Variants in FOXP1 observed in about 807,000 individuals in gnomAD.
FOXP1 encodes the protein forkhead box protein P1.
A neutral mutation model predicts 98.2 loss-of-function variants in FOXP1; 15 were observed. The ratio of observed to expected loss-of-function variants is 0.15; its 90% CI spans 0.10 to 0.24. FOXP1 has a LOEUF of 0.24. Among genes scored for constraint, FOXP1 ranks in the 10% least tolerant of loss-of-function variants. The pLI is 1.00. For synonymous variants in FOXP1, 371 were observed against 314.5 expected, an observed-to-expected ratio of 1.18 and a Z score of -1.90; for missense variants, 633 against 848.5, an observed-to-expected ratio of 0.75 and a Z score of 3.15.
At position 71,144,688 on chromosome 3, in the gene FOXP1, C is replaced by T. The variant is rs537803800; in HGVS notation, c.181-32051G>A. On this transcript the variant is annotated intron_variant, in intron 6 of 20. Coordinates refer to ENST00000649528, the MANE Select transcript of FOXP1 (RefSeq NM_001349338.3). Reference sequence around the variant, plus strand: ...GCTGGGCTGTGTAGAGCATGTGCAGCAGTTTGGACTGACACATTGATTTTT... The same window carrying T: ...GCTGGGCTGTGTAGAGCATGTGCAGTAGTTTGGACTGACACATTGATTTTT... Among the ~76,000 whole-genome samples the T allele has an allele frequency of 2.0e-5, 3 of 152,254 alleles. No homozygotes were observed. The East Asian group carries it at 5.8e-4, about 29-fold the overall frequency.
rs571940924 is a variant in FOXP1, at chr3:70,973,139, A to G, written c.1531-463T>C. Among the ~76,000 whole-genome samples the G allele has an allele frequency of 1.8e-4, 28 of 152,288 alleles. No homozygotes were observed. The South Asian group carries it at 2.3e-3, about 12-fold the overall frequency. On this transcript the variant is annotated intron_variant, in intron 17 of 20. Transcript: ENST00000649528. ...GTTCTTGATGGCTTCTGGCTTTTAA[A>G]ACTTCCAGAGGTCCTATGAAGAATT...
chr3:71,211,584 T>A (rs551840023), intron 5 of FOXP1, among the ~76,000 whole-genome samples: 12 of 152,332 alleles, frequency 7.9e-5, no homozygotes, highest in African/African-American at 2.6e-4. Flanking sequence ...GTTTTATTTT[T>A]AAAAAAGTAC....
intron 2 of FOXP1, among the ~76,000 whole-genome samples, chr3:71,552,171 A>C (rs1225960498): frequency 6.6e-6 from 1 of 152,160 alleles, no homozygotes; most frequent in Non-Finnish European, 1.5e-5. Flanking sequence ...TGTAAGGCAG[A>C]ACCAATGCAA....
At chr3:70,990,403 G>C (rs1399415180) in intron 13 of FOXP1, among the ~76,000 whole-genome samples, 2 of 152,044 alleles carry the variant, frequency 1.3e-5, no homozygotes, top group Non-Finnish European at 2.9e-5. Context: ...AATACTAACT[G>C]CTCCTTCCAA....
At chr3:71,234,159 TAA>T (rs11362569) in intron 5 of FOXP1, among the ~76,000 whole-genome samples, 13,343 of 148,956 alleles carry the variant, frequency 0.09, 733 homozygotes, top group African/African-American at 0.15. Context: ...ATATTATAAG[TAA>T]AAAAAAAAAA....
At chr3:71,473,485 T>C (rs2089539651) in intron 3 of FOXP1, among the ~76,000 whole-genome samples, 1 of 152,140 alleles carries the variant, frequency 6.6e-6, no homozygotes. Flanking sequence ...TGTCAAAATA[T>C]TGTCCCAAAA....
chr3:71,011,008 G>C (rs943250854), intron 12 of FOXP1, among the ~76,000 whole-genome samples: 2 of 152,064 alleles, frequency 1.3e-5, no homozygotes, highest in Non-Finnish European at 2.9e-5. Flanking sequence ...TCTACAAGAA[G>C]ACTAACTTAT....
chr3:71,093,752 G>C (rs1333141526), intron 7 of FOXP1, among the ~76,000 whole-genome samples: 2 of 151,658 alleles, frequency 1.3e-5, no homozygotes, highest in Non-Finnish European at 2.9e-5. Flanking sequence ...ACTTCCCAGA[G>C]GCCTTGCTCT....
intron 3 of FOXP1, among the ~76,000 whole-genome samples, chr3:71,436,020 AAG>A: frequency 6.6e-6 from 1 of 151,186 alleles, no homozygotes; most frequent in East Asian, 2.0e-4. Context: ...GAAAGGAAGA[AAG>A]GGGGGAGAAT....
At chr3:71,381,068 C>T (rs1200610437) in intron 3 of FOXP1, among the ~76,000 whole-genome samples, 1 of 152,038 alleles carries the variant, frequency 6.6e-6, no homozygotes, top group Non-Finnish European at 1.5e-5. Flanking sequence ...AACATTTGAC[C>T]TGGTCGTCCC....
chr3:71,121,132 G>A (rs758912146), intron 6 of FOXP1, among the ~76,000 whole-genome samples: 64 of 150,494 alleles, frequency 4.3e-4, no homozygotes, highest in Non-Finnish European at 7.8e-4. Flanking sequence ...CTGCATTAGC[G>A]TTGTGAGCTC....
chr3:71,350,250 A>T (rs2077691299), intron 4 of FOXP1, among the ~76,000 whole-genome samples: 1 of 152,152 alleles, frequency 6.6e-6, no homozygotes, highest in Non-Finnish European at 1.5e-5. Context: ...TCTGAATGTT[A>T]ATATAGGGTT....
At chr3:71,090,822 A>G (rs1303147324) in intron 7 of FOXP1, among the ~76,000 whole-genome samples, 1 of 152,194 alleles carries the variant, frequency 6.6e-6, no homozygotes, top group Non-Finnish European at 1.5e-5. Flanking sequence ...CATATATCAA[A>G]GATTCAGAGA....
At chr3:71,454,172 A>G (rs897680684) in intron 3 of FOXP1, among the ~76,000 whole-genome samples, 1 of 152,204 alleles carries the variant, frequency 6.6e-6, no homozygotes, top group Non-Finnish European at 1.5e-5. Flanking sequence ...GTTGCATAAC[A>G]GCAGCAATAG....
At chr3:71,059,621 G>A (rs1404224629) in intron 7 of FOXP1, among the ~76,000 whole-genome samples, 1 of 152,070 alleles carries the variant, frequency 6.6e-6, no homozygotes, top group African/African-American at 2.4e-5. Context: ...TCAAGAAAAT[G>A]CCTTCTCTTT....
intron 6 of FOXP1, among the ~76,000 whole-genome samples, chr3:71,147,756 G>A (rs2060380151): frequency 1.3e-5 from 2 of 152,126 alleles, no homozygotes; most frequent in Admixed American, 1.3e-4. Context: ...CCAAGGTAGG[G>A]AGGTGCTTCC....
chr3:71,248,241 G>A (rs1403593173), intron 5 of FOXP1, among the ~76,000 whole-genome samples: 1 of 152,128 alleles, frequency 6.6e-6, no homozygotes, highest in Non-Finnish European at 1.5e-5. Context: ...TAGCCTTTAT[G>A]GGAAAGCAAA....
At chr3:71,487,349 C>T (rs1333905424) in intron 3 of FOXP1, among the ~76,000 whole-genome samples, 1 of 152,208 alleles carries the variant, frequency 6.6e-6, no homozygotes, top group Non-Finnish European at 1.5e-5. Flanking sequence ...TGAGCCACAG[C>T]ACCCAGCCCA....
At chr3:71,167,616 T>C (rs1302201372) in intron 6 of FOXP1, among the ~76,000 whole-genome samples, 1 of 152,340 alleles carries the variant, frequency 6.6e-6, no homozygotes, top group Non-Finnish European at 1.5e-5. Flanking sequence ...TCAGTGTCAA[T>C]ATTTTAAGTG....
Sources: allele counts gnomAD v4.1 joint callset (sites outside exome capture counted in the v4.1 genomes callset), GRCh38; gene constraint gnomAD v4.1.1; transcripts MANE v1.5; gene names NCBI Gene and HGNC (gene_info 2026-07-23, HGNC 2026-07-21).